Variants in ROPN1L observed in about 807,000 individuals in gnomAD.
The protein encoded by ROPN1L is ropporin-1-like protein.
Under a neutral mutation model 22.7 loss-of-function variants are expected in ROPN1L, and 23 were observed. The ratio of observed to expected loss-of-function variants is 1.01; its 90% CI spans 0.73 to 1.43. ROPN1L has a LOEUF of 1.43. Ranked by LOEUF, ROPN1L falls within the 40% of genes most tolerant of loss-of-function variation. The pLI is 0.00. For synonymous variants in ROPN1L, 116 were observed against 117.8 expected (o/e 0.98, Z 0.10); for missense variants, 271 against 291.5 (o/e 0.93, Z 0.51).
chr5:10,467,838 G>A (rs1397106449), downstream of ROPN1L, among the ~76,000 whole-genome samples: 1 of 152,134 alleles, frequency 6.6e-6, no homozygotes, highest in Non-Finnish European at 1.5e-5. Flanking sequence ...TCAGAGTAGT[G>A]ACCAAAATGC....
downstream of ROPN1L, among the ~76,000 whole-genome samples, chr5:10,476,414 C>A (rs1389313577): frequency 5.3e-5 from 8 of 152,228 alleles, no homozygotes; most frequent in African/African-American, 1.4e-4. Context: ...TCTTTTAGTG[C>A]TGAAAAGTAG....
downstream of ROPN1L, among the ~76,000 whole-genome samples, chr5:10,476,201 C>T (rs139119349): frequency 6.6e-3 from 1,008 of 152,300 alleles, 9 homozygotes; most frequent in African/African-American, 0.023. Context: ...GAAGTGAGAG[C>T]GTGTTGAGGG....
downstream of ROPN1L, among the ~76,000 whole-genome samples, chr5:10,467,620 G>A (rs1735176637): frequency 6.6e-6 from 1 of 152,176 alleles, no homozygotes; most frequent in Non-Finnish European, 1.5e-5. Context: ...CAGTAAATCT[G>A]CGCTTCACCC....
chr5:10,463,859 C>T (rs886620843), intron 4 of ROPN1L, among the ~76,000 whole-genome samples: 5 of 152,288 alleles, frequency 3.3e-5, no homozygotes, highest in Middle Eastern at 3.4e-3. Flanking sequence ...GTCCCAGGGC[C>T]GCCTTCTGGC....
chr5:10,469,572 G>A (rs188185585), downstream of ROPN1L, among the ~76,000 whole-genome samples: 11 of 152,278 alleles, frequency 7.2e-5, no homozygotes, highest in African/African-American at 2.6e-4. Flanking sequence ...TGGGGAGGGG[G>A]GTGGTGGGAA....
downstream of ROPN1L, among the ~76,000 whole-genome samples, chr5:10,469,482 G>A (rs375021011): frequency 1.2e-4 from 18 of 152,084 alleles, no homozygotes; most frequent in South Asian, 4.1e-4. Flanking sequence ...GTGAGATCCC[G>A]TCTCAAAAAA....
Position 10,464,860 on chromosome 5 carries a change from G to C in ROPN1L, c.606G>C (p.Lys202Asn), listed in dbSNP as rs923436685. 1.9e-6 allele frequency: 3 copies of C among 1,595,762 alleles called. No individual in the cohort carries two copies. Among genetic ancestry groups the C allele is most frequent in the African/African-American group, 2.7e-5 (2 of 74,110 alleles). The change falls in exon 5 of 5, where the codon AAG (lysine) becomes AAC (asparagine). Residue 202 changes from lysine to asparagine, a missense_variant. Lys to Asn is a moderately conservative substitution (Grantham distance 94). Transcript: ENST00000274134. ...ASLKENIDAR[K>N]NGMIGLSDFF... The stretch of plus-strand genomic sequence containing the variant: ...GTTTCCAATTTAGAGACGCCAGGAA[G>C]AACGGCATGATAGGTCTTTCAGATT...
At chr5:10,453,640 G>A (rs1488943628) in intron 3 of ROPN1L, among the ~76,000 whole-genome samples, 1 of 152,210 alleles carries the variant, frequency 6.6e-6, no homozygotes, top group East Asian at 1.9e-4. Context: ...GATAGATGTC[G>A]TTCCTGCTCC....
At chr5:10,448,043 G>C (rs1184761551) in intron 1 of ROPN1L, among the ~76,000 whole-genome samples, 1 of 152,192 alleles carries the variant, frequency 6.6e-6, no homozygotes, top group Non-Finnish European at 1.5e-5. Flanking sequence ...CTCCAACAGG[G>C]AGTCTCATTA....
intron 1 of ROPN1L, among the ~76,000 whole-genome samples, chr5:10,446,917 T>C (rs1741086867): frequency 6.6e-6 from 1 of 152,232 alleles, no homozygotes; most frequent in Non-Finnish European, 1.5e-5. Context: ...TTCACATTTG[T>C]CTAACTCACT....
At chr5:10,455,005 G>A (rs1053988171) in intron 3 of ROPN1L, among the ~76,000 whole-genome samples, 9 of 152,294 alleles carry the variant, frequency 5.9e-5, no homozygotes, top group South Asian at 2.1e-4. Flanking sequence ...TTCCTGTCTC[G>A]GAGAAGAACA....
chr5:10,464,778 T>C, intron 4 of ROPN1L, 70 bp from the exon 5 acceptor site: 2 of 882,982 alleles, frequency 2.3e-6, no homozygotes, highest in Non-Finnish European at 3.4e-6. Context: ...TTATATCGCA[T>C]TTTATAAAAA....
At chr5:10,469,337 A>G (rs1321876129), downstream of ROPN1L, among the ~76,000 whole-genome samples, 2 of 112,772 alleles carry the variant, frequency 1.8e-5, no homozygotes, top group Admixed American at 1.7e-4. Flanking sequence ...AAAAAAAAAA[A>G]TCAGCTGGAA....
At chr5:10,479,433 A>T in the ROPN1L span, 1 of 152,234 alleles carries the variant, frequency 6.6e-6, no homozygotes, top group Non-Finnish European at 1.5e-5. Flanking sequence ...TGGCTTTTAA[A>T]TTGCCATTTG....
intron 4 of ROPN1L, 143 bp from the exon 5 acceptor site, chr5:10,464,704 AT>A (rs1304871927): frequency 5.7e-6 from 3 of 530,258 alleles, no homozygotes. Flanking sequence ...AGAATGCTTT[AT>A]TTTTGGAAGT....
intron 1 of ROPN1L, among the ~76,000 whole-genome samples, chr5:10,446,429 C>T (rs192875452): frequency 3.9e-5 from 6 of 152,072 alleles, no homozygotes; most frequent in Admixed American, 6.5e-5. Context: ...GAGGCTGAGG[C>T]GGGTTGATTG....
At chr5:10,458,491 G>GTACACCATCCCCCTCA (rs1734904818) in intron 3 of ROPN1L, among the ~76,000 whole-genome samples, 1 of 64,842 alleles carries the variant, frequency 1.5e-5, no homozygotes, top group African/African-American at 7.0e-5. Flanking sequence ...CCATCCCGCT[G>GTACACCATCCCCCTCA]TGTACACCAT....
intron 3 of ROPN1L, among the ~76,000 whole-genome samples, chr5:10,453,861 T>C (rs1435543128): frequency 6.6e-6 from 1 of 152,192 alleles, no homozygotes; most frequent in Non-Finnish European, 1.5e-5. Context: ...TTCTAAGTGC[T>C]GCAGGTTCTG....
intron 3 of ROPN1L, among the ~76,000 whole-genome samples, chr5:10,454,670 T>C (rs1339660335): frequency 6.6e-6 from 1 of 152,244 alleles, no homozygotes; most frequent in African/African-American, 2.4e-5. Flanking sequence ...AGAAGCATCA[T>C]TCTTCGTTTA....
Sources: gnomAD v4.1 joint callset for allele counts (sites outside exome capture counted in the v4.1 genomes callset) on GRCh38, gnomAD v4.1.1 for gene constraint, MANE v1.5 for transcripts, NCBI Gene and HGNC (gene_info 2026-07-23, HGNC 2026-07-21) for gene names.